Variants in NXPH1 observed in about 807,000 individuals in gnomAD.
NXPH1 encodes the protein neurexophilin 1.
Under a neutral mutation model 23.7 loss-of-function variants are expected in NXPH1, and 5 were observed. The ratio of observed to expected loss-of-function variants is 0.21; its 90% CI spans 0.11 to 0.44. The LOEUF is 0.44. NXPH1 is among the 20% of genes least tolerant of loss of function. NXPH1 has a pLI of 0.99. For missense variants in NXPH1, 324 were observed against 321.6 expected, an observed-to-expected ratio of 1.01 and a Z score of -0.06; for synonymous variants, 144 against 122.2, an observed-to-expected ratio of 1.18 and a Z score of -1.18.
chr7:8,681,949 C>T (rs1401773819), intron 2 of NXPH1, among the ~76,000 whole-genome samples: 5 of 152,080 alleles, frequency 3.3e-5, no homozygotes, highest in Non-Finnish European at 7.4e-5. Flanking sequence ...AAGTTGAGAT[C>T]CAGAACCAGA....
chr7:8,650,035 G>GTCCT (rs57140331), intron 2 of NXPH1, among the ~76,000 whole-genome samples: 1 of 151,646 alleles, frequency 6.6e-6, no homozygotes, highest in African/African-American at 2.4e-5. Flanking sequence ...TTGGAGGTCT[G>GTCCT]TATCACTCAA....
chr7:8,455,778 G>A (rs1816583952), intron 2 of NXPH1, among the ~76,000 whole-genome samples: 2 of 152,216 alleles, frequency 1.3e-5, no homozygotes, highest in African/African-American at 4.8e-5. Context: ...AATATCAGAT[G>A]CTGTTGGAGC....
chr7:8,637,303 G>A (rs765486851), intron 2 of NXPH1, among the ~76,000 whole-genome samples: 2 of 151,660 alleles, frequency 1.3e-5, no homozygotes, highest in Non-Finnish European at 2.9e-5. Context: ...GCTCACTGTA[G>A]CCTCGACCTC....
At chr7:8,661,928 C>A (rs1820682149) in intron 2 of NXPH1, among the ~76,000 whole-genome samples, 2 of 151,608 alleles carry the variant, frequency 1.3e-5, no homozygotes, top group African/African-American at 2.4e-5. Context: ...AAGTATCCCC[C>A]CCAAAAAACA....
intron 2 of NXPH1, among the ~76,000 whole-genome samples, chr7:8,596,034 G>C (rs1819215580): frequency 6.6e-6 from 1 of 152,096 alleles, no homozygotes; most frequent in African/African-American, 2.4e-5. Context: ...ATATGTCTAT[G>C]ATGTACATGT....
intron 2 of NXPH1, among the ~76,000 whole-genome samples, chr7:8,516,914 T>C: frequency 6.6e-6 from 1 of 152,160 alleles, no homozygotes; most frequent in East Asian, 1.9e-4. Flanking sequence ...ATGTGTGGTC[T>C]GGCCATCTTA....
intron 2 of NXPH1, among the ~76,000 whole-genome samples, chr7:8,597,658 C>G (rs1562418942): frequency 7.1e-6 from 1 of 140,504 alleles, no homozygotes; most frequent in Non-Finnish European, 1.5e-5. Context: ...GTAAATGCCT[C>G]CAGCTCTGCT....
At chr7:8,575,770 A>G (rs1347685835) in intron 2 of NXPH1, among the ~76,000 whole-genome samples, 1 of 150,696 alleles carries the variant, frequency 6.6e-6, no homozygotes. Flanking sequence ...TTTTTTTTTT[A>G]AATAAGCTCT....
At chr7:8,593,480 C>G (rs1304035216) in intron 2 of NXPH1, among the ~76,000 whole-genome samples, 1 of 151,756 alleles carries the variant, frequency 6.6e-6, no homozygotes, top group Non-Finnish European at 1.5e-5. Flanking sequence ...AAGTTGATTT[C>G]TCTTCCCTTG....
chr7:8,488,535 C>T (rs10486229), intron 2 of NXPH1, among the ~76,000 whole-genome samples: 6,525 of 152,160 alleles, frequency 0.043, 473 homozygotes, highest in African/African-American at 0.15. Flanking sequence ...CTTTCTCCAA[C>T]CATGGCCGCT....
At chr7:8,551,483 C>G (rs1319583501) in intron 2 of NXPH1, among the ~76,000 whole-genome samples, 1 of 151,372 alleles carries the variant, frequency 6.6e-6, no homozygotes, top group Admixed American at 6.6e-5. Context: ...TTTATAATAT[C>G]TTATAAAATG....
At chr7:8,495,112 G>C (rs1354566242) in intron 2 of NXPH1, among the ~76,000 whole-genome samples, 1 of 151,992 alleles carries the variant, frequency 6.6e-6, no homozygotes, top group African/African-American at 2.4e-5. Flanking sequence ...TAAGTAGATA[G>C]ATAGGGATTT....
chr7:8,437,508 G>A (rs1816217691), intron 2 of NXPH1, among the ~76,000 whole-genome samples: 1 of 152,156 alleles, frequency 6.6e-6, no homozygotes, highest in Non-Finnish European at 1.5e-5. Flanking sequence ...TTACGTCCTT[G>A]GGCTGTGCTC....
At position 8,442,429 on chromosome 7, in the gene NXPH1, G is replaced by T. The variant is rs886943259; in HGVS notation, c.54+6662G>T. ...CCGCCCTAATGGATTCTGAAGCGAAGGATCCTAGCTGCCGCGGCTAAGGGC... is the reference window on the plus strand; with the variant it reads ...CCGCCCTAATGGATTCTGAAGCGAATGATCCTAGCTGCCGCGGCTAAGGGC... On this transcript the variant is annotated intron_variant, in intron 2 of 2. Transcript: ENST00000405863. The surrounding 1 kb of genome is among the most constrained non-coding windows in gnomAD (Gnocchi z 4.6). Among the ~76,000 whole-genome samples, 3 of 152,190 alleles carry T rather than the reference G, an allele frequency of 2.0e-5. No individual in the cohort carries two copies. Among genetic ancestry groups the T allele is most frequent in the Non-Finnish European group, 4.4e-5 (3 of 68,030 alleles).
chr7:8,667,840 T>C (rs1349437721), intron 2 of NXPH1, among the ~76,000 whole-genome samples: 1 of 152,070 alleles, frequency 6.6e-6, no homozygotes. Context: ...TTTAAAGCTG[T>C]CCCATAAATC....
In NXPH1 at chr7:8,657,989, C is replaced by G. The variant is rs139058601; in HGVS notation, c.55-93019C>G. On this transcript the variant is annotated intron_variant, in intron 2 of 2. Coordinates refer to ENST00000405863, the MANE Select transcript of NXPH1 (RefSeq NM_152745.3). ...GTTGCAGTGAGCCGAGATCGTGCCA[C>G]TGCACTCCAGCCTGGGCAACAGAGC... Among the ~76,000 whole-genome samples the G allele has an allele frequency of 2.3e-3, 347 of 152,312 alleles. 2 individuals carry two copies. Among genetic ancestry groups the G allele is most frequent in the African/African-American group, 7.7e-3 (322 of 41,574 alleles).
chr7:8,675,244 A>C (rs1820932420), intron 2 of NXPH1, among the ~76,000 whole-genome samples: 1 of 152,014 alleles, frequency 6.6e-6, no homozygotes, highest in Non-Finnish European at 1.5e-5. Flanking sequence ...TACCTACCTC[A>C]AAATGCCTAA....
At chr7:8,671,690 A>G (rs990147238) in intron 2 of NXPH1, among the ~76,000 whole-genome samples, 1 of 152,188 alleles carries the variant, frequency 6.6e-6, no homozygotes, top group African/African-American at 2.4e-5. Context: ...ACTTGTTCAG[A>G]AAAATTGGGT....
intron 2 of NXPH1, among the ~76,000 whole-genome samples, chr7:8,649,927 T>C (rs1286444182): frequency 6.6e-6 from 1 of 152,162 alleles, no homozygotes; most frequent in Admixed American, 6.5e-5. Flanking sequence ...ATCCTCTATA[T>C]AGGTAAAGAA....
Sources: gnomAD v4.1 joint callset for allele counts (sites outside exome capture counted in the v4.1 genomes callset) on GRCh38, gnomAD v4.1.1 for gene constraint, Gnocchi (gnomAD v3.1) non-coding constraint, MANE v1.5 for transcripts, NCBI Gene and HGNC (gene_info 2026-07-23, HGNC 2026-07-21) for gene names.